Variants in GAS2L3 observed in about 807,000 individuals in gnomAD.
GAS2L3 encodes growth arrest specific 2 like 3.
In GAS2L3, 28 loss-of-function variants were observed where a neutral mutation model predicts 37.0. The observed-to-expected ratio is 0.76, with a 90% CI of 0.56 to 1.04. The LOEUF (loss-of-function observed/expected upper bound fraction) is 1.04, where lower values mean the gene tolerates loss of function less well. Among genes scored for constraint, GAS2L3 ranks in the 50% least tolerant of loss-of-function variants. The probability of loss-of-function intolerance (pLI) is 0.00; values close to 1 mark genes in which losing one functional copy is unlikely to be tolerated. For missense variants in GAS2L3, 793 were observed against 817.6 expected (o/e 0.97, Z 0.37); for synonymous variants, 290 against 296.6 (o/e 0.98, Z 0.23).
intron 1 of GAS2L3, among the ~76,000 whole-genome samples, chr12:100,586,161 A>G (rs537717607): frequency 5.3e-5 from 8 of 152,336 alleles, no homozygotes; most frequent in African/African-American, 1.7e-4. Context: ...AACACTAGAC[A>G]GGTCATCAAG....
intron 3 of GAS2L3, among the ~76,000 whole-genome samples, chr12:100,598,463 A>G (rs1955942389): frequency 6.6e-6 from 1 of 152,078 alleles, no homozygotes; most frequent in South Asian, 2.1e-4. Context: ...CAGGTAGCAT[A>G]TGATTTTGAT....
chr12:100,617,789 T>C lies in GAS2L3; in HGVS notation c.491T>C (p.Ile164Thr), dbSNP rs780732441. 6 of 1,603,812 alleles carry C rather than the reference T, an allele frequency of 3.7e-6. No individual in the cohort carries two copies. The South Asian group carries it at 6.6e-5, about 18-fold the overall frequency. ...CAGGTGTATCTTTGTCTTCTTGAAA[T>C]TGGTCGAATTGTGTCAAGGTATGTA... ...PRQVYLCLLE[I>T]GRIVSRYGVE... is the part of the protein sequence containing the mutation. The change falls in exon 7 of 10, where the codon ATT becomes ACT. Residue 164 changes from isoleucine (I) to threonine (T), a missense_variant. Transcript: ENST00000547754.
chr12:100,579,142 C>T, intron 1 of GAS2L3: 2 of 691,598 alleles, frequency 2.9e-6, no homozygotes, highest in South Asian at 1.5e-5. Context: ...CATTTTCTGC[C>T]ATGGCCCATG....
At chr12:100,618,653 A>T (rs1327609587) in intron 8 of GAS2L3, 66 bp downstream of exon 8, 5 of 1,395,826 alleles carry the variant, frequency 3.6e-6, no homozygotes, top group Non-Finnish European at 4.9e-6. Context: ...AAGCACTTCT[A>T]GTGTGCTACA....
At chr12:100,604,091 T>G (rs890308252) in intron 5 of GAS2L3, among the ~76,000 whole-genome samples, 2 of 152,106 alleles carry the variant, frequency 1.3e-5, no homozygotes, top group Non-Finnish European at 2.9e-5. Context: ...CTCGGTCTTT[T>G]GTGATTCTGT....
intron 3 of GAS2L3, 82 bp from the exon 4 acceptor site, chr12:100,600,297 TTCA>T: frequency 1.2e-6 from 1 of 834,774 alleles, no homozygotes; most frequent in Non-Finnish European, 1.9e-6. Context: ...TGATTTATGC[TTCA>T]TCATTTAAAT....
In GAS2L3 at chr12:100,624,892, TA is replaced by T; in HGVS notation, c.*3del. The T allele has an allele frequency of 6.5e-7, 1 of 1,534,218 alleles. No individual in the cohort carries two copies. The highest frequency in any genetic ancestry group is 8.9e-7 in the Non-Finnish European group (1 of 1,128,386). ...GGAAGTAAGAAACCTAGAAAATAAA[TA>T]CATACTCATTATAAAAAAAGAGAAA... On this transcript the variant is annotated 3_prime_UTR_variant, in exon 10 of 10. Transcript: ENST00000547754.
At chr12:100,611,418 G>T (rs975070028) in intron 5 of GAS2L3, among the ~76,000 whole-genome samples, 1 of 152,108 alleles carries the variant, frequency 6.6e-6, no homozygotes, top group Non-Finnish European at 1.5e-5. Context: ...ATTTTAAAAA[G>T]AAAGAGGTGA....
At chr12:100,588,255 A>G (rs972114758) in intron 1 of GAS2L3, among the ~76,000 whole-genome samples, 2 of 152,096 alleles carry the variant, frequency 1.3e-5, no homozygotes, top group Non-Finnish European at 2.9e-5. Context: ...GTGTCGGCTG[A>G]CTGAGAAATA....
At chr12:100,605,441 C>A (rs1956044386) in intron 5 of GAS2L3, among the ~76,000 whole-genome samples, 1 of 151,832 alleles carries the variant, frequency 6.6e-6, no homozygotes, top group African/African-American at 2.4e-5. Flanking sequence ...TTTCAAAAAA[C>A]CAACTTCAAG....
At chr12:100,612,557 C>G (rs915468938) in intron 6 of GAS2L3, 3 of 164,656 alleles carry the variant, frequency 1.8e-5, no homozygotes, top group African/African-American at 7.2e-5. Flanking sequence ...CAACAGCTGC[C>G]AACTTGATTA....
At chr12:100,587,602 C>A (rs1379119682) in intron 1 of GAS2L3, among the ~76,000 whole-genome samples, 1 of 152,146 alleles carries the variant, frequency 6.6e-6, no homozygotes, top group African/African-American at 2.4e-5. Flanking sequence ...TAAAAGCCAT[C>A]TATGGACAAA....
At chr12:100,600,326 G>C (rs544907341) in intron 3 of GAS2L3, 56 bp from the exon 4 acceptor site, 44 of 1,110,570 alleles carry the variant, frequency 4.0e-5, no homozygotes, top group Admixed American at 1.4e-4. Flanking sequence ...TGTGGATTAT[G>C]ATGACTTTTA....
intron 6 of GAS2L3, among the ~76,000 whole-genome samples, chr12:100,613,598 C>CCTT (rs1565810412): frequency 7.1e-6 from 1 of 141,128 alleles, no homozygotes; most frequent in African/African-American, 2.6e-5. Flanking sequence ...CCATTTCTTT[C>CCTT]TTTTTTTTTT....
At chr12:100,622,224 A>G in intron 8 of GAS2L3, 51 bp from the exon 9 acceptor site, 1 of 1,040,548 alleles carries the variant, frequency 9.6e-7, no homozygotes, top group East Asian at 2.4e-5. Context: ...TACACTTTAA[A>G]CAAAATGCTT....
In GAS2L3 at chr12:100,626,921, C is replaced by T. The variant is rs530237188; in HGVS notation, c.*2031C>T. On this transcript the variant is annotated 3_prime_UTR_variant, in exon 10 of 10. Coordinates refer to ENST00000547754, the MANE Select transcript of GAS2L3 (RefSeq NM_174942.3). ...CCTGACCAACATGGTGAAACCTCTT[C>T]TCTACTAAAAATACAAAATTAGCCG... The T allele has an allele frequency of 1.3e-5, 2 of 152,050 alleles. No individual in the cohort carries two copies. Among genetic ancestry groups the T allele is most frequent in the South Asian group, 2.1e-4 (1 of 4,810 alleles). 9.4% of individuals were successfully genotyped at this position (152,050 alleles called of 1,614,324 possible).
chr12:100,576,939 A>T (rs1955645148), intron 1 of GAS2L3, among the ~76,000 whole-genome samples: 1 of 152,234 alleles, frequency 6.6e-6, no homozygotes. Context: ...GTGGTGACTC[A>T]TAGAGACTTC....
Position 100,618,581 on chromosome 12 carries a change from T to G in GAS2L3, c.642T>G (p.His214Gln), listed in dbSNP as rs758200465. 8.1e-6 allele frequency: 13 copies of G among 1,609,776 alleles called. 1 individual carries two copies. The South Asian group carries it at 1.4e-4, about 18-fold the overall frequency. The change falls in exon 8 of 10, where the codon CAT (histidine) becomes CAG (glutamine). Residue 214 changes from histidine to glutamine, a missense_variant. By Grantham distance (24) the His-to-Gln change is conservative (BLOSUM62 0). Coordinates refer to ENST00000547754, the MANE Select transcript of GAS2L3 (RefSeq NM_174942.3). The part of the protein sequence containing the change: ...PKSCCRHEEL[H>Q]EAVKHIAEDP... ...CATGCTGTCGGCATGAAGAGCTACA[T>G]GAAGCTGTAAGTAGTTGCCACACTT...
chr12:100,612,152 T>C lies in GAS2L3; in HGVS notation c.445+11T>C. The C allele has an allele frequency of 2.5e-6, 4 of 1,608,782 alleles. No individual in the cohort carries two copies. The highest frequency in any genetic ancestry group is 3.4e-6 in the Non-Finnish European group (4 of 1,175,826). ...AATCTGAAGGTTTAGGTAAGTGATG[T>C]TCTTGTCATTCTTGTTTTTAATGCT... On this transcript the variant is annotated intron_variant, in intron 6 of 9. Coordinates refer to ENST00000547754, the MANE Select transcript of GAS2L3 (RefSeq NM_174942.3).
Sources: allele counts gnomAD v4.1 joint callset (sites outside exome capture counted in the v4.1 genomes callset), GRCh38; gene constraint gnomAD v4.1.1; transcripts MANE v1.5; gene names NCBI Gene and HGNC (gene_info 2026-07-23, HGNC 2026-07-21).